Variants in MARCHF1 observed in about 807,000 individuals in gnomAD.
The protein encoded by MARCHF1 is membrane associated ring-CH-type finger 1.
In MARCHF1, 40 loss-of-function variants were observed where a neutral mutation model predicts 54.2. The observed-to-expected ratio is 0.74, with a 90% CI of 0.57 to 0.96. The LOEUF (loss-of-function observed/expected upper bound fraction) is 0.96, where lower values mean the gene tolerates loss of function less well. MARCHF1 is among the 40% of genes least tolerant of loss of function. MARCHF1 has a pLI of 0.00. For missense variants in MARCHF1, 586 were observed against 656.5 expected (o/e 0.89, Z 1.17); for synonymous variants, 236 against 236.3 (o/e 1.00, Z 0.01).
In MARCHF1 at chr4:163,525,749, A is replaced by G. The variant is rs894587898; in HGVS notation, c.*2999T>C. 1 of 152,040 alleles carries G rather than the reference A, an allele frequency of 6.6e-6. No homozygotes were observed. 9.4% of individuals were successfully genotyped at this position (152,040 alleles called of 1,614,324 possible). A position where few individuals can be genotyped will look rare whatever the true frequency, so the allele number is the denominator to read the frequency against. On this transcript the variant is annotated 3_prime_UTR_variant, in exon 10 of 10. Coordinates refer to ENST00000514618, the MANE Select transcript of MARCHF1 (RefSeq NM_001394959.1). ...CATTTTATTTCTTCCACGAGCAGGTAAACATGCCTCAAAATTTGCATTCCG... is the reference window on the plus strand; with the variant it reads ...CATTTTATTTCTTCCACGAGCAGGTGAACATGCCTCAAAATTTGCATTCCG...
intron 2 of MARCHF1, among the ~76,000 whole-genome samples, chr4:164,003,800 G>A (rs1344244754): frequency 3.9e-5 from 6 of 152,044 alleles, no homozygotes; most frequent in Admixed American, 3.9e-4. Flanking sequence ...ACAATGAAAG[G>A]AATATAAATC....
intron 1 of MARCHF1, among the ~76,000 whole-genome samples, chr4:164,268,032 A>C (rs376846136): frequency 3.3e-5 from 5 of 152,290 alleles, no homozygotes; most frequent in East Asian, 1.9e-4. Context: ...CATCAAAGCA[A>C]GCTCATAAGA....
At chr4:163,780,639 T>C (rs1294101467) in intron 4 of MARCHF1, among the ~76,000 whole-genome samples, 1 of 152,152 alleles carries the variant, frequency 6.6e-6, no homozygotes. Flanking sequence ...CCAGGAATCA[T>C]TGGTTTATTT....
chr4:164,159,689 G>C (rs550096057), intron 1 of MARCHF1, among the ~76,000 whole-genome samples: 1 of 152,252 alleles, frequency 6.6e-6, no homozygotes, highest in East Asian at 1.9e-4. Context: ...TTTAATATCA[G>C]TGTAAAGGAG....
chr4:163,800,322 T>C (rs1748043936), intron 4 of MARCHF1, among the ~76,000 whole-genome samples: 2 of 152,142 alleles, frequency 1.3e-5, no homozygotes, highest in South Asian at 2.1e-4. Flanking sequence ...TAATTTTTAT[T>C]CTAAACATTT....
At chr4:163,725,266 A>T (rs1053969455) in intron 4 of MARCHF1, among the ~76,000 whole-genome samples, 1 of 152,176 alleles carries the variant, frequency 6.6e-6, no homozygotes, top group Non-Finnish European at 1.5e-5. Flanking sequence ...AAGGGGTAAT[A>T]AAAGTAGTGG....
In MARCHF1 at chr4:164,198,350, G is replaced by A. The variant is rs548329012; in HGVS notation, c.-322-86688C>T. On this transcript the variant is annotated intron_variant, in intron 1 of 9. Coordinates refer to ENST00000514618, the MANE Select transcript of MARCHF1 (RefSeq NM_001394959.1). Reference sequence around the variant, plus strand: ...AAAGTATCTAACTAGGTTTAGATACGGCAAGTGGTAGAGGAATAAAATTTG... The same window carrying A: ...AAAGTATCTAACTAGGTTTAGATACAGCAAGTGGTAGAGGAATAAAATTTG... Among the ~76,000 whole-genome samples the A allele has an allele frequency of 6.6e-5, 10 of 152,210 alleles. No homozygotes were observed. In the South Asian group the frequency reaches 1.2e-3, roughly 19 times the overall value.
At chr4:163,789,617 T>C (rs1218688913) in intron 4 of MARCHF1, among the ~76,000 whole-genome samples, 1 of 152,084 alleles carries the variant, frequency 6.6e-6, no homozygotes. Flanking sequence ...TATTATGATT[T>C]AGAAAGTCTG....
chr4:163,545,571 G>A (rs780539451), intron 9 of MARCHF1, 25 bp downstream of exon 9: 5 of 1,604,962 alleles, frequency 3.1e-6, no homozygotes, highest in East Asian at 2.2e-5. Context: ...GATCCAAGAG[G>A]GTAAGAAGAA....
At chr4:163,860,715 G>T (rs1390071281) in intron 3 of MARCHF1, among the ~76,000 whole-genome samples, 2 of 152,166 alleles carry the variant, frequency 1.3e-5, no homozygotes, top group African/African-American at 4.8e-5. Context: ...ATAGCTTAAA[G>T]AACTGCAAGA....
intron 3 of MARCHF1, among the ~76,000 whole-genome samples, chr4:163,881,839 C>T (rs1750425073): frequency 6.6e-6 from 1 of 152,154 alleles, no homozygotes; most frequent in Non-Finnish European, 1.5e-5. Context: ...TGACAGCAGC[C>T]TGAATTCTAC....
chr4:164,132,185 G>A (rs113940855), intron 1 of MARCHF1, among the ~76,000 whole-genome samples: 1,541 of 152,028 alleles, frequency 0.01, 30 homozygotes, highest in East Asian at 0.08. Flanking sequence ...CTCCCTCCCC[G>A]TCTTCCTTCC....
At chr4:164,356,809 CTT>C (rs1388039228) in intron 1 of MARCHF1, among the ~76,000 whole-genome samples, 1 of 115,090 alleles carries the variant, frequency 8.7e-6, no homozygotes, top group African/African-American at 3.0e-5. Context: ...ATTGTTAACA[CTT>C]TTGTCCATTG....
At chr4:163,631,198 A>G (rs1295522709) in intron 5 of MARCHF1, among the ~76,000 whole-genome samples, 1 of 151,328 alleles carries the variant, frequency 6.6e-6, no homozygotes, top group African/African-American at 2.4e-5. Context: ...AATAAGTTGC[A>G]GAACTTTTTT....
At chr4:164,062,374 T>A (rs542590469) in intron 2 of MARCHF1, among the ~76,000 whole-genome samples, 3 of 152,108 alleles carry the variant, frequency 2.0e-5, no homozygotes, top group Admixed American at 6.6e-5. Flanking sequence ...GTTCATATTT[T>A]GACCTCCTTT....
chr4:164,208,966 C>G (rs574314211), intron 1 of MARCHF1, among the ~76,000 whole-genome samples: 22 of 151,430 alleles, frequency 1.5e-4, no homozygotes, highest in African/African-American at 2.7e-4. Flanking sequence ...CTGTCTGTCT[C>G]TCTCTCTCTC....
chr4:163,875,306 T>G (rs1750265355), intron 3 of MARCHF1, among the ~76,000 whole-genome samples: 1 of 152,182 alleles, frequency 6.6e-6, no homozygotes, highest in Non-Finnish European at 1.5e-5. Context: ...AGGTCCGTGA[T>G]TTTTTGATTT....
At position 164,282,607 on chromosome 4, in the gene MARCHF1, C is replaced by T. The variant is rs191845252; in HGVS notation, c.-323+101263G>A. 2.2e-4 allele frequency among the ~76,000 whole-genome samples: 34 copies of T among 151,286 alleles called. 2 individuals are homozygous for T. The highest frequency in any genetic ancestry group is 7.3e-4 in the African/African-American group (30 of 41,312). Reference sequence around the variant, plus strand: ...TCTCAACTCCCTTGCCCCTATTTCACTCAAAAATACTCAATTGGTCTTTTG... The same window carrying T: ...TCTCAACTCCCTTGCCCCTATTTCATTCAAAAATACTCAATTGGTCTTTTG... On this transcript the variant is annotated intron_variant, in intron 1 of 9. Coordinates refer to ENST00000514618, the MANE Select transcript of MARCHF1 (RefSeq NM_001394959.1).
intron 7 of MARCHF1, among the ~76,000 whole-genome samples, chr4:163,601,583 T>G (rs1740967045): frequency 6.6e-6 from 1 of 152,086 alleles, no homozygotes; most frequent in Non-Finnish European, 1.5e-5. Flanking sequence ...TCTATATGAT[T>G]GGATATTCAA....
Sources: gnomAD v4.1 joint callset for allele counts (sites outside exome capture counted in the v4.1 genomes callset) on GRCh38, gnomAD v4.1.1 for gene constraint, MANE v1.5 for transcripts, NCBI Gene and HGNC (gene_info 2026-07-23, HGNC 2026-07-21) for gene names.